The following UBR2 variants were observed in gnomAD, a reference collection of about 807,000 sequenced individuals.
The protein encoded by UBR2 is ubiquitin protein ligase E3 component n-recognin 2, also known as E3 ubiquitin-protein ligase UBR2.
A neutral mutation model predicts 247.9 loss-of-function variants in UBR2; 92 were observed. That is an observed-to-expected ratio of 0.37 (90% CI 0.31 to 0.44). The LOEUF is 0.44. UBR2 is among the 20% of genes least tolerant of loss of function. The probability of loss-of-function intolerance (pLI) is 1.00; values close to 1 mark genes in which losing one functional copy is unlikely to be tolerated. For synonymous variants in UBR2, 672 were observed against 693.5 expected, an observed-to-expected ratio of 0.97 and a Z score of 0.49; for missense variants, 1,613 against 2,112.6, an observed-to-expected ratio of 0.76 and a Z score of 4.64.
chr6:42,564,351 C>T lies in UBR2; in HGVS notation c.32C>T (p.Ala11Val). ...TCGGAGCTAGAGCCAGAGGTGCAGG[C>T]CATCGACCGGAGCTTGCTGGAATGT... MASELEPEVQ[A>V]IDRSLLECSA... The change falls in exon 1 of 47, where the codon GCC (alanine) becomes GTC (valine). Residue 11 changes from alanine (A) to valine (V), a missense_variant. Around this residue, in one of 3 missense-constraint regions of UBR2, gnomAD observed 1,524 missense variants for 1,967.3 expected, o/e 0.77. Coordinates refer to ENST00000372901, the MANE Select transcript of UBR2 (RefSeq NM_001363705.2). 6.2e-7 allele frequency: 1 copy of T among 1,612,340 alleles called. No individual in the cohort carries two copies. The highest frequency in any genetic ancestry group is 8.5e-7 in the Non-Finnish European group (1 of 1,179,380).
chr6:42,672,753 T>C (rs1325007777), intron 36 of UBR2, among the ~76,000 whole-genome samples: 1 of 152,186 alleles, frequency 6.6e-6, no homozygotes, highest in Non-Finnish European at 1.5e-5. Flanking sequence ...CTGAACCATG[T>C]ACTGTGAGTT....
rs1026329926 is a variant in UBR2 at position 42,635,484 on chromosome 6, T to C, written c.1612T>C (p.Phe538Leu). 2.4e-5 allele frequency: 38 copies of C among 1,613,634 alleles called. No individual in the cohort carries two copies. The highest frequency in any genetic ancestry group is 3.1e-5 in the Non-Finnish European group (37 of 1,179,732). Reference protein sequence around the residue: ...IEMEPEWEAAFTLQMKLTHVI... With the variant: ...IEMEPEWEAALTLQMKLTHVI... The stretch of plus-strand genomic sequence containing the variant: ...AATGGAACCAGAGTGGGAAGCAGCC[T>C]TCACACTACAAATGAAATTAACACA... The change falls in exon 14 of 47, where the codon TTC becomes CTC. Residue 538 changes from phenylalanine (F) to leucine (L), a missense_variant. By Grantham distance (22) the Phe-to-Leu change is conservative. Around this residue, in one of 3 missense-constraint regions of UBR2, gnomAD observed 1,524 missense variants for 1,967.3 expected, o/e 0.77. Transcript: ENST00000372901.
At chr6:42,594,024 A>G (rs544697262) in intron 3 of UBR2, among the ~76,000 whole-genome samples, 167 bp from the exon 4 acceptor site, 9 of 152,358 alleles carry the variant, frequency 5.9e-5, no homozygotes, top group African/African-American at 2.2e-4. Flanking sequence ...CTTATTTAAA[A>G]TAAACTTTAA....
At chr6:42,570,653 AT>A (rs1338261466) in intron 1 of UBR2, among the ~76,000 whole-genome samples, 6 of 151,310 alleles carry the variant, frequency 4.0e-5, no homozygotes, top group Admixed American at 4.0e-4. Flanking sequence ...TACTAATAAT[AT>A]TTTTATGTAA....
chr6:42,632,458 A>G, intron 11 of UBR2, 94 bp from the exon 12 acceptor site: 1 of 1,155,758 alleles, frequency 8.7e-7, no homozygotes. Context: ...AAAGGTTTAA[A>G]CTGAAGGAGC....
At chr6:42,572,895 A>G (rs1006734155) in intron 1 of UBR2, among the ~76,000 whole-genome samples, 25 of 151,982 alleles carry the variant, frequency 1.6e-4, no homozygotes, top group African/African-American at 6.0e-4. Context: ...AGTAGAGAAG[A>G]GACTTCACCA....
chr6:42,573,541 A>G lies in UBR2; in HGVS notation c.79-193A>G, dbSNP rs1791300557. On this transcript the variant is annotated intron_variant, in intron 1 of 46. Transcript: ENST00000372901. ...CTTGTTTCATTTTAATTTTACTTAC[A>G]CTTAAAAGTAGGATTTAAACATACT... Among the ~76,000 whole-genome samples, 4 of 152,316 alleles carry G rather than the reference A, an allele frequency of 2.6e-5. No homozygotes were observed. The South Asian group carries it at 6.2e-4, about 24-fold the overall frequency.
Position 42,652,332 on chromosome 6 carries a change from G to T in UBR2, c.2615-159G>T, listed in dbSNP as rs568493689. On this transcript the variant is annotated intron_variant, in intron 24 of 46. Coordinates refer to ENST00000372901, the MANE Select transcript of UBR2 (RefSeq NM_001363705.2). ...TTTCTTCTGTACTGCTGCTACTTTC[G>T]TGGCTCTTTTTATGCATTTGACCTT... Among the ~76,000 whole-genome samples, 6 of 152,210 alleles carry T rather than the reference G, an allele frequency of 3.9e-5. No individual in the cohort carries two copies. The East Asian group carries it at 5.8e-4, about 15-fold the overall frequency.
chr6:42,656,105 TC>T (rs1797424819), intron 26 of UBR2, among the ~76,000 whole-genome samples: 1 of 152,212 alleles, frequency 6.6e-6, no homozygotes, highest in South Asian at 2.1e-4. Context: ...GAAAGAATTG[TC>T]CAGTAAACAT....
At chr6:42,678,407 C>T (rs1363973921) in intron 40 of UBR2, 132 bp from the exon 41 acceptor site, 3 of 925,554 alleles carry the variant, frequency 3.2e-6, no homozygotes, top group Non-Finnish European at 4.7e-6. Context: ...CACACACCCA[C>T]TTGCCTGTTA....
chr6:42,605,935 A>G, intron 6 of UBR2, 76 bp downstream of exon 6: 2 of 1,266,672 alleles, frequency 1.6e-6, no homozygotes, highest in Non-Finnish European at 2.2e-6. Context: ...TGGAGAATTG[A>G]GTTAAAGATA....
intron 8 of UBR2, among the ~76,000 whole-genome samples, chr6:42,612,974 T>G (rs4547995): frequency 0.79 from 119,374 of 152,048 alleles, 46,909 homozygotes; most frequent in East Asian, 0.89. Context: ...GGTGGCATGT[T>G]CCTGTAATCC....
intron 7 of UBR2, among the ~76,000 whole-genome samples, chr6:42,611,723 T>A (rs1335273526): frequency 6.6e-6 from 1 of 151,636 alleles, no homozygotes; most frequent in Non-Finnish European, 1.5e-5. Context: ...CTGGCTAACA[T>A]AGTGAAACCC....
chr6:42,609,519 T>G (rs1254620171), intron 7 of UBR2, among the ~76,000 whole-genome samples: 1 of 151,966 alleles, frequency 6.6e-6, no homozygotes, highest in Non-Finnish European at 1.5e-5. Flanking sequence ...TGTTAATATA[T>G]GTTATAGAGA....
At chr6:42,585,342 T>G (rs1465878792) in intron 2 of UBR2, among the ~76,000 whole-genome samples, 1 of 152,208 alleles carries the variant, frequency 6.6e-6, no homozygotes, top group Admixed American at 6.5e-5. Context: ...AACTCGTTAA[T>G]GTTGTGTGAA....
intron 4 of UBR2, among the ~76,000 whole-genome samples, chr6:42,601,771 TG>T (rs2151925776): frequency 6.6e-6 from 1 of 152,060 alleles, no homozygotes; most frequent in East Asian, 1.9e-4. Flanking sequence ...TATAAACATT[TG>T]AAAAATCTGC....
chr6:42,631,544 C>A (rs1280338547), intron 11 of UBR2, among the ~76,000 whole-genome samples: 2 of 152,016 alleles, frequency 1.3e-5, no homozygotes, highest in African/African-American at 2.4e-5. Flanking sequence ...ATTCCTACAA[C>A]TATACACAGT....
chr6:42,611,289 T>C (rs1012302988), intron 7 of UBR2, among the ~76,000 whole-genome samples: 2 of 151,448 alleles, frequency 1.3e-5, no homozygotes, highest in Admixed American at 1.3e-4. Flanking sequence ...GGTGAAACCC[T>C]GTTTCTACTA....
At chr6:42,652,203 AT>A in intron 24 of UBR2, 132 bp downstream of exon 24, 1 of 883,718 alleles carries the variant, frequency 1.1e-6, no homozygotes, top group Non-Finnish European at 1.7e-6. Flanking sequence ...ATAACCTCCT[AT>A]TCAGAGGAAT....
Sources: allele counts gnomAD v4.1 joint callset (sites outside exome capture counted in the v4.1 genomes callset), GRCh38; gene constraint gnomAD v4.1.1; regional missense constraint gnomAD v4.1.1; transcripts MANE v1.5; gene names NCBI Gene and HGNC (gene_info 2026-07-23, HGNC 2026-07-21).